The following EPHA6 variants were observed in gnomAD, a reference collection of about 807,000 sequenced individuals.
EPHA6 encodes the protein EPH receptor A6.
In EPHA6, 50 loss-of-function variants were observed where a neutral mutation model predicts 112.0. The observed-to-expected ratio is 0.45, with a 90% CI of 0.36 to 0.56. The LOEUF is 0.56. EPHA6 is among the 20% of genes least tolerant of loss of function. The probability of loss-of-function intolerance (pLI) is 0.00; values close to 1 mark genes in which losing one functional copy is unlikely to be tolerated. For missense variants in EPHA6, 1,280 were observed against 1,417.4 expected, an observed-to-expected ratio of 0.90 and a Z score of 1.56; for synonymous variants, 529 against 490.7, an observed-to-expected ratio of 1.08 and a Z score of -1.03.
rs140168331 is a variant in EPHA6 at position 96,915,765 on chromosome 3, T to C, written c.450+48876T>C. Among the ~76,000 whole-genome samples the C allele has an allele frequency of 3.3e-3, 505 of 152,246 alleles. 1 individual carries two copies. The highest frequency in any genetic ancestry group is 4.2e-3 in the Admixed American group (64 of 15,272). ...AATTATAGAGATAGCACATACTTACTGTGCTCATTGTTCCAGGCATTGTTC... is the reference window on the plus strand; with the variant it reads ...AATTATAGAGATAGCACATACTTACCGTGCTCATTGTTCCAGGCATTGTTC... On this transcript the variant is annotated intron_variant, in intron 2 of 17. Coordinates refer to ENST00000389672, the MANE Select transcript of EPHA6 (RefSeq NM_001080448.3).
At chr3:96,848,511 G>A (rs542046579) in intron 1 of EPHA6, among the ~76,000 whole-genome samples, 1 of 152,048 alleles carries the variant, frequency 6.6e-6, no homozygotes, top group African/African-American at 2.4e-5. Flanking sequence ...TGTAATCCTA[G>A]CTACTTGAGA....
At chr3:96,901,921 G>C (rs1248019893) in intron 2 of EPHA6, among the ~76,000 whole-genome samples, 2 of 152,182 alleles carry the variant, frequency 1.3e-5, no homozygotes, top group African/African-American at 4.8e-5. Flanking sequence ...AGTACCAGTA[G>C]AAAGGTTAAA....
chr3:97,128,960 G>T (rs2048261144), intron 3 of EPHA6, among the ~76,000 whole-genome samples: 1 of 142,540 alleles, frequency 7.0e-6, no homozygotes, highest in Non-Finnish European at 1.5e-5. Flanking sequence ...TGCATCCCCT[G>T]CCTCCTAGAC....
chr3:97,697,864 GT>G (rs2033139000), intron 14 of EPHA6, among the ~76,000 whole-genome samples: 2 of 152,114 alleles, frequency 1.3e-5, no homozygotes, highest in Non-Finnish European at 1.5e-5. Flanking sequence ...CCCAAAATAG[GT>G]TGACTATTCA....
intron 2 of EPHA6, among the ~76,000 whole-genome samples, chr3:96,878,563 G>C (rs915953617): frequency 1.3e-5 from 2 of 151,964 alleles, no homozygotes; most frequent in Non-Finnish European, 2.9e-5. Context: ...GAACTTAATA[G>C]TCTAGATGCA....
At chr3:97,709,550 T>C (rs2033858042) in intron 14 of EPHA6, among the ~76,000 whole-genome samples, 1 of 152,236 alleles carries the variant, frequency 6.6e-6, no homozygotes, top group African/African-American at 2.4e-5. Flanking sequence ...CAGTTAATGC[T>C]GGAATGAGTT....
chr3:97,077,195 C>G (rs558267281), intron 3 of EPHA6, among the ~76,000 whole-genome samples: 1 of 152,044 alleles, frequency 6.6e-6, no homozygotes, highest in Non-Finnish European at 1.5e-5. Flanking sequence ...ATTTTACATG[C>G]CATTAGGAAC....
intron 2 of EPHA6, among the ~76,000 whole-genome samples, chr3:96,970,264 CACAA>C (rs1238078201): frequency 1.4e-4 from 21 of 145,846 alleles, no homozygotes; most frequent in East Asian, 5.9e-4. Context: ...CACACACACA[CACAA>C]ACACACACAC....
At position 97,760,562 on chromosome 3, in the gene EPHA6, A is replaced by G. The variant is rs1449615651; in HGVS notation, c.*11861A>G. On this transcript the variant is annotated 3_prime_UTR_variant, in exon 18 of 18. Coordinates refer to ENST00000389672, the MANE Select transcript of EPHA6 (RefSeq NM_001080448.3). Reference sequence around the variant, plus strand: ...GCCAAAAATATAAAGATATAGATGTACATATACATATGTATTTGATTAAAC... The same window carrying G: ...GCCAAAAATATAAAGATATAGATGTGCATATACATATGTATTTGATTAAAC... The G allele has an allele frequency of 5.6e-6, 1 of 178,770 alleles. No individual in the cohort carries two copies. Among genetic ancestry groups the G allele is most frequent in the Non-Finnish European group, 1.2e-5 (1 of 83,338 alleles). The allele number at this position is 178,770 out of a possible 1,614,324, so 11.1% of individuals were successfully genotyped here. A position where few individuals can be genotyped will look rare whatever the true frequency, so the allele number is the denominator to read the frequency against.
chr3:97,171,286 ACTAT>A, intron 3 of EPHA6, among the ~76,000 whole-genome samples: 1 of 152,318 alleles, frequency 6.6e-6, no homozygotes, highest in Middle Eastern at 3.4e-3. Context: ...GGAATTAACT[ACTAT>A]CTAATGAATG....
At chr3:97,424,806 CAA>C (rs60277455) in intron 6 of EPHA6, among the ~76,000 whole-genome samples, 22 of 52,056 alleles carry the variant, frequency 4.2e-4, no homozygotes, top group South Asian at 7.3e-4. Flanking sequence ...AACTCTGTCT[CAA>C]AAAAAAAAAA....
chr3:96,854,179 CTTT>C (rs781751530), intron 1 of EPHA6, among the ~76,000 whole-genome samples: 2 of 131,246 alleles, frequency 1.5e-5, no homozygotes, highest in Non-Finnish European at 3.2e-5. Flanking sequence ...TTAATCATGA[CTTT>C]TTTTTTTTTT....
At chr3:97,073,219 A>T (rs2046412920) in intron 3 of EPHA6, among the ~76,000 whole-genome samples, 2 of 152,178 alleles carry the variant, frequency 1.3e-5, no homozygotes, top group East Asian at 3.9e-4. Flanking sequence ...ATCTATCAGG[A>T]CAAGGAATCC....
chr3:97,464,245 T>A (rs1462555030), intron 7 of EPHA6, among the ~76,000 whole-genome samples: 2 of 152,076 alleles, frequency 1.3e-5, no homozygotes, highest in Admixed American at 6.6e-5. Flanking sequence ...CCAATGCATA[T>A]GACTGGGTGC....
chr3:97,500,344 C>T (rs77943757), intron 10 of EPHA6, among the ~76,000 whole-genome samples: 5,084 of 151,904 alleles, frequency 0.033, 320 homozygotes, highest in African/African-American at 0.12. Context: ...ACAGGAAGCA[C>T]GATGCTGACA....
At chr3:96,917,636 G>T (rs909779803) in intron 2 of EPHA6, among the ~76,000 whole-genome samples, 1 of 151,598 alleles carries the variant, frequency 6.6e-6, no homozygotes, top group South Asian at 2.1e-4. Flanking sequence ...AAACCACTGC[G>T]CTAAGGCTGT....
chr3:97,293,430 C>T (rs1204411223), intron 5 of EPHA6, among the ~76,000 whole-genome samples: 1 of 152,180 alleles, frequency 6.6e-6, no homozygotes, highest in Non-Finnish European at 1.5e-5. Context: ...TGTTGGCAGG[C>T]AGGTCATCCC....
intron 3 of EPHA6, among the ~76,000 whole-genome samples, chr3:97,106,339 C>A (rs764753354): frequency 6.6e-6 from 1 of 151,922 alleles, no homozygotes; most frequent in Non-Finnish European, 1.5e-5. Context: ...GGTTTCCAAA[C>A]CCTCAGAATT....
At chr3:97,565,505 A>T (rs1276971036) in intron 11 of EPHA6, among the ~76,000 whole-genome samples, 1 of 152,224 alleles carries the variant, frequency 6.6e-6, no homozygotes, top group East Asian at 1.9e-4. Context: ...TATTAGTATA[A>T]TAAAATATTG....
Sources: gnomAD v4.1 joint callset for allele counts (sites outside exome capture counted in the v4.1 genomes callset) on GRCh38, gnomAD v4.1.1 for gene constraint, MANE v1.5 for transcripts, NCBI Gene and HGNC (gene_info 2026-07-23, HGNC 2026-07-21) for gene names.